The following ASRGL1 variants were observed in gnomAD, a reference collection of about 807,000 sequenced individuals.
ASRGL1 encodes the protein asparaginase and isoaspartyl peptidase 1, also known as isoaspartyl peptidase/L-asparaginase.
Under a neutral mutation model 22.4 loss-of-function variants are expected in ASRGL1, and 16 were observed. The ratio of observed to expected loss-of-function variants is 0.71; its 90% CI spans 0.48 to 1.08. The LOEUF (loss-of-function observed/expected upper bound fraction) is 1.08. ASRGL1 is among the 50% of genes least tolerant of loss of function. ASRGL1 has a pLI of 0.00. For synonymous variants in ASRGL1, 165 were observed against 159.3 expected, an observed-to-expected ratio of 1.04 and a Z score of -0.27; for missense variants, 412 against 410.1, an observed-to-expected ratio of 1.00 and a Z score of -0.04.
intron 4 of ASRGL1, among the ~76,000 whole-genome samples, chr11:62,374,457 G>C (rs567344718): frequency 3.3e-5 from 5 of 152,258 alleles, no homozygotes; most frequent in African/African-American, 4.8e-5. Context: ...TTAGTTCAGT[G>C]GTGCTTATGG....
chr11:62,343,654 G>A (rs1380954218), intron 2 of ASRGL1, among the ~76,000 whole-genome samples: 1 of 150,700 alleles, frequency 6.6e-6, no homozygotes, highest in Non-Finnish European at 1.5e-5. Flanking sequence ...CTTGAACCTG[G>A]GAGGCAGAGG....
intron 2 of ASRGL1, among the ~76,000 whole-genome samples, chr11:62,343,611 C>G (rs1355204832): frequency 6.6e-6 from 1 of 151,348 alleles, no homozygotes; most frequent in Non-Finnish European, 1.5e-5. Flanking sequence ...GCCTGTAGTC[C>G]CAGCCACTCG....
At position 62,350,115 on chromosome 11, in the gene ASRGL1, T is replaced by G. The variant is rs558635937; in HGVS notation, c.191-6210T>G. On this transcript the variant is annotated intron_variant, in intron 2 of 6. Coordinates refer to ENST00000415229, the MANE Select transcript of ASRGL1 (RefSeq NM_001083926.2). ...CTGGGAATGCCTGCCGCCCAGCAGG[T>G]TTCAGCCTTATTTTACTCAGCTCCT... Among the ~76,000 whole-genome samples the G allele has an allele frequency of 6.9e-4, 105 of 152,296 alleles. 3 individuals carry two copies. The South Asian group carries it at 0.02, about 29-fold the overall frequency.
At chr11:62,371,227 C>T (rs1290713223) in intron 4 of ASRGL1, 3 of 1,260,490 alleles carry the variant, frequency 2.4e-6, no homozygotes, top group East Asian at 6.1e-5. Context: ...GTGGCGGCCC[C>T]GCAGCCGGAA....
At chr11:62,378,242 G>T (rs1946976956) in intron 4 of ASRGL1, among the ~76,000 whole-genome samples, 1 of 152,084 alleles carries the variant, frequency 6.6e-6, no homozygotes, top group South Asian at 2.1e-4. Context: ...GTAGAGGTTT[G>T]AATCTTATCA....
In ASRGL1 at chr11:62,356,436, C is replaced by T; in HGVS notation, c.302C>T (p.Pro101Leu). The change falls in exon 3 of 7, where the codon CCC becomes CTC. Residue 101 changes from proline (P) to leucine (L), a missense_variant. By Grantham distance (98) the Pro-to-Leu change is moderately conservative. Coordinates refer to ENST00000415229, the MANE Select transcript of ASRGL1 (RefSeq NM_001083926.2). Reference protein sequence around the residue: ...AVSAVQCIANPIKLARLVMEK... With the variant: ...AVSAVQCIANLIKLARLVMEK... Reference sequence around the variant, plus strand: ...TCCGCAGTCCAGTGTATAGCAAATCCCATTAAACTTGCTCGGCTTGTCATG... The same window carrying T: ...TCCGCAGTCCAGTGTATAGCAAATCTCATTAAACTTGCTCGGCTTGTCATG... The T allele has an allele frequency of 1.9e-6, 3 of 1,614,142 alleles. No homozygotes were observed. Among genetic ancestry groups the T allele is most frequent in the Non-Finnish European group, 2.5e-6 (3 of 1,180,018 alleles).
chr11:62,373,098 G>A (rs528375759), intron 4 of ASRGL1: 10 of 1,468,192 alleles, frequency 6.8e-6, no homozygotes, highest in Non-Finnish European at 7.6e-6. Flanking sequence ...ACACTCCTTG[G>A]TGATAGCAAG....
chr11:62,364,338 C>T (rs1040795967), intron 4 of ASRGL1, among the ~76,000 whole-genome samples: 6 of 152,010 alleles, frequency 3.9e-5, no homozygotes, highest in African/African-American at 1.4e-4. Flanking sequence ...CTGGTATACA[C>T]AATAATAACT....
At chr11:62,364,084 A>G (rs1396721213) in intron 4 of ASRGL1, among the ~76,000 whole-genome samples, 2 of 144,092 alleles carry the variant, frequency 1.4e-5, no homozygotes, top group African/African-American at 5.1e-5. Context: ...GCTAGAACCC[A>G]GGAGGCGGAG....
At chr11:62,394,986 C>T (rs757227900), downstream of ASRGL1, among the ~76,000 whole-genome samples, 1 of 152,186 alleles carries the variant, frequency 6.6e-6, no homozygotes, top group African/African-American at 2.4e-5. Flanking sequence ...TTTATCACTT[C>T]TGTGCCACAA....
intron 4 of ASRGL1, among the ~76,000 whole-genome samples, chr11:62,360,794 A>G (rs1946415391): frequency 6.6e-6 from 1 of 152,246 alleles, no homozygotes; most frequent in South Asian, 2.1e-4. Context: ...GAAGAATCAC[A>G]CACAATAAAA....
chr11:62,391,357 A>T, intron 5 of ASRGL1, 165 bp from the exon 6 acceptor site: 1 of 1,079,208 alleles, frequency 9.3e-7, no homozygotes, highest in Non-Finnish European at 1.3e-6. Context: ...CATCTACATG[A>T]CGCTTTCTAG....
chr11:62,378,729 C>T (rs7109686), intron 4 of ASRGL1, among the ~76,000 whole-genome samples: 118,093 of 151,976 alleles, frequency 0.78, 46,123 homozygotes, highest in South Asian at 0.84. Context: ...AAGGCGAGAA[C>T]GAAGGCTCAA....
rs187387816 is a variant in ASRGL1, at chr11:62,392,746, C to T, written c.*462C>T. On this transcript the variant is annotated 3_prime_UTR_variant, in exon 7 of 7. Coordinates refer to ENST00000415229, the MANE Select transcript of ASRGL1 (RefSeq NM_001083926.2). ...CAGCAGCAGTAGAAGCAGTGGTGGG[C>T]GAAGCCCAGGTGACCCTCAGAACGT... 566 of 179,184 alleles carry T rather than the reference C, an allele frequency of 3.2e-3. 5 individuals are homozygous for T. Among genetic ancestry groups the T allele is most frequent in the African/African-American group, 0.012 (519 of 41,996 alleles). 11.1% of individuals were successfully genotyped at this position (179,184 alleles called of 1,614,324 possible).
chr11:62,391,373 C>G (rs1009254602), intron 5 of ASRGL1, 149 bp from the exon 6 acceptor site: 1 of 1,224,288 alleles, frequency 8.2e-7, no homozygotes, highest in African/African-American at 1.5e-5. Context: ...TCTAGTCCAC[C>G]TTTGCCTCCG....
At chr11:62,338,335 C>A in intron 2 of ASRGL1, 168 bp downstream of exon 2, 1 of 766,408 alleles carries the variant, frequency 1.3e-6, no homozygotes, top group South Asian at 2.3e-5. Context: ...AAGAGTCAAA[C>A]GCTAAAATAT....
At chr11:62,393,835 G>A (rs1319445915), downstream of ASRGL1, among the ~76,000 whole-genome samples, 1 of 151,674 alleles carries the variant, frequency 6.6e-6, no homozygotes, top group Admixed American at 6.6e-5. Context: ...CAAGATCAAG[G>A]TGTCGGCCAC....
chr11:62,373,578 G>GA (rs999201816), intron 4 of ASRGL1, among the ~76,000 whole-genome samples: 5 of 152,226 alleles, frequency 3.3e-5, no homozygotes, highest in East Asian at 3.9e-4. Context: ...CATTTACTCA[G>GA]AAAAAATGTC....
Position 62,371,229 on chromosome 11 carries a change from CAGCCGGAAG to C in ASRGL1, c.491+14086_491+14094del, listed in dbSNP as rs1946753072. The stretch of plus-strand genomic sequence containing the variant: ...GGGCCCAGGAAACGTGGCGGCCCCG[CAGCCGGAAG>C]CGCGAGCCTCCCGAGCGCTGCAGTA... On this transcript the variant is annotated intron_variant, in intron 4 of 6. Coordinates refer to ENST00000415229, the MANE Select transcript of ASRGL1 (RefSeq NM_001083926.2). The C allele has an allele frequency of 7.2e-6, 9 of 1,257,398 alleles. 1 individual carries two copies. In the South Asian group the frequency reaches 1.5e-4, roughly 21 times the overall value. 77.9% of individuals were successfully genotyped at this position (1,257,398 alleles called of 1,614,324 possible). A position where few individuals can be genotyped will look rare whatever the true frequency, so the allele number is the denominator to read the frequency against.
Sources: allele counts gnomAD v4.1 joint callset (sites outside exome capture counted in the v4.1 genomes callset), GRCh38; gene constraint gnomAD v4.1.1; transcripts MANE v1.5; gene names NCBI Gene and HGNC (gene_info 2026-07-23, HGNC 2026-07-21).